WWTR1: variants seen among roughly 807,000 people sequenced by gnomAD.
WWTR1 encodes WW domain containing transcription regulator 1.
A neutral mutation model predicts 40.1 loss-of-function variants in WWTR1; 13 were observed. The observed-to-expected ratio is 0.32, with a 90% CI of 0.21 to 0.52. The LOEUF is 0.52. Ranked by LOEUF, WWTR1 falls within the 20% of genes least tolerant of loss-of-function variation. WWTR1 has a pLI of 0.97. For synonymous variants in WWTR1, 230 were observed against 210.1 expected, an observed-to-expected ratio of 1.09 and a Z score of -0.82; for missense variants, 436 against 523.1, an observed-to-expected ratio of 0.83 and a Z score of 1.63.
intron 2 of WWTR1, among the ~76,000 whole-genome samples, chr3:149,613,397 G>A (rs1166757245): frequency 6.6e-6 from 1 of 152,172 alleles, no homozygotes; most frequent in African/African-American, 2.4e-5. Context: ...AGGGACCAAG[G>A]AAAGGGTTAA....
At chr3:149,595,252 G>T (rs988290005) in intron 2 of WWTR1, among the ~76,000 whole-genome samples, 2 of 151,836 alleles carry the variant, frequency 1.3e-5, no homozygotes, top group Non-Finnish European at 2.9e-5. Flanking sequence ...GAGCCACCGC[G>T]CCCAGCCTTG....
At chr3:149,529,804 T>C (rs376111748) in intron 4 of WWTR1, among the ~76,000 whole-genome samples, 1 of 152,296 alleles carries the variant, frequency 6.6e-6, no homozygotes, top group East Asian at 1.9e-4. Flanking sequence ...TCATACACCC[T>C]GAGCCACAGT....
At chr3:149,523,705 C>T (rs952704358) in intron 6 of WWTR1, among the ~76,000 whole-genome samples, 9 of 152,224 alleles carry the variant, frequency 5.9e-5, no homozygotes, top group Admixed American at 2.0e-4. Context: ...TCAGCTGGCT[C>T]GTTTCCCTTC....
intron 1 of WWTR1, among the ~76,000 whole-genome samples, chr3:149,685,910 T>C (rs1714631044): frequency 6.6e-6 from 1 of 152,174 alleles, no homozygotes; most frequent in Admixed American, 6.5e-5. Context: ...GTTAAAATTA[T>C]AGTGAATTTA....
chr3:149,693,969 A>T (rs1301775767), intron 1 of WWTR1, among the ~76,000 whole-genome samples: 1 of 152,242 alleles, frequency 6.6e-6, no homozygotes, highest in East Asian at 1.9e-4. Context: ...GTCTGGGCCA[A>T]GCAACCAAAG....
intron 2 of WWTR1, among the ~76,000 whole-genome samples, chr3:149,665,938 A>C (rs1020492953): frequency 2.0e-5 from 3 of 152,130 alleles, no homozygotes; most frequent in African/African-American, 7.2e-5. Flanking sequence ...GGTGGGGGGA[A>C]TTTCAAGGTG....
chr3:149,611,254 G>A (rs776587584), intron 2 of WWTR1, among the ~76,000 whole-genome samples: 8 of 152,140 alleles, frequency 5.3e-5, no homozygotes, highest in African/African-American at 1.7e-4. Flanking sequence ...AGAAAGCTGC[G>A]TAGCAAGACA....
chr3:149,686,959 G>A (rs542776589), intron 1 of WWTR1, among the ~76,000 whole-genome samples: 5 of 151,994 alleles, frequency 3.3e-5, no homozygotes, highest in Non-Finnish European at 5.9e-5. Context: ...ATACTCTGTC[G>A]TCCAACTACC....
At chr3:149,552,507 G>A (rs1408176930) in intron 3 of WWTR1, among the ~76,000 whole-genome samples, 1 of 152,156 alleles carries the variant, frequency 6.6e-6, no homozygotes, top group East Asian at 1.9e-4. Context: ...ATCTTCTCTA[G>A]AGGATGCATT....
chr3:149,561,751 C>T (rs1459123308), intron 3 of WWTR1, among the ~76,000 whole-genome samples: 1 of 152,134 alleles, frequency 6.6e-6, no homozygotes, highest in Non-Finnish European at 1.5e-5. Context: ...ATTTGGAAGG[C>T]TCTCTAAGAT....
At chr3:149,580,611 T>G (rs1738102128) in intron 2 of WWTR1, among the ~76,000 whole-genome samples, 1 of 152,106 alleles carries the variant, frequency 6.6e-6, no homozygotes, top group Non-Finnish European at 1.5e-5. Flanking sequence ...ATTAGGTTTT[T>G]TGTTTGTTTG....
At chr3:149,567,052 T>C (rs531011483) in intron 3 of WWTR1, among the ~76,000 whole-genome samples, 15 of 152,212 alleles carry the variant, frequency 9.9e-5, no homozygotes, top group Admixed American at 9.2e-4. Flanking sequence ...GAAGTTGTTA[T>C]AGTCTTTATT....
intron 1 of WWTR1, among the ~76,000 whole-genome samples, chr3:149,689,380 C>CAAA (rs3044083): frequency 1.2e-3 from 43 of 36,686 alleles, no homozygotes; most frequent in Non-Finnish European, 1.3e-3. Flanking sequence ...GAACCTATCT[C>CAAA]AAAAAAAAAA....
At chr3:149,529,675 G>T (rs570164350) in intron 4 of WWTR1, among the ~76,000 whole-genome samples, 39 of 152,156 alleles carry the variant, frequency 2.6e-4, no homozygotes, top group African/African-American at 8.4e-4. Context: ...TGGCAGGCAG[G>T]GTGCATTAGA....
chr3:149,525,296 T>C (rs920932886), intron 6 of WWTR1, among the ~76,000 whole-genome samples: 4 of 152,146 alleles, frequency 2.6e-5, no homozygotes, highest in Admixed American at 2.6e-4. Context: ...ACTAGAACTA[T>C]AAACCAGTGT....
chr3:149,677,246 T>A (rs1158949524), intron 1 of WWTR1, among the ~76,000 whole-genome samples: 1 of 152,118 alleles, frequency 6.6e-6, no homozygotes, highest in East Asian at 1.9e-4. Context: ...GCACAGTCCC[T>A]AGGCAACTTG....
chr3:149,607,026 C>G (rs935048357), intron 2 of WWTR1, among the ~76,000 whole-genome samples: 2 of 152,172 alleles, frequency 1.3e-5, no homozygotes, highest in African/African-American at 4.8e-5. Context: ...GGTTATAATA[C>G]TACTATTACA....
At chr3:149,613,013 C>T (rs1739806680) in intron 2 of WWTR1, among the ~76,000 whole-genome samples, 1 of 152,192 alleles carries the variant, frequency 6.6e-6, no homozygotes. Flanking sequence ...AGTCTGAAAA[C>T]CATTCTGAAA....
intron 3 of WWTR1, among the ~76,000 whole-genome samples, chr3:149,553,780 TTTTC>T (rs1560057130): frequency 6.6e-6 from 1 of 152,152 alleles, no homozygotes; most frequent in African/African-American, 2.4e-5. Flanking sequence ...GCTGCGGGTC[TTTTC>T]CTCTGTTTAT....
Sources: allele counts gnomAD v4.1 joint callset (sites outside exome capture counted in the v4.1 genomes callset), GRCh38; gene constraint gnomAD v4.1.1; transcripts MANE v1.5; gene names NCBI Gene and HGNC (gene_info 2026-07-23, HGNC 2026-07-21).